CCSER1: variants seen among roughly 807,000 people sequenced by gnomAD.
CCSER1 encodes serine-rich coiled-coil domain-containing protein 1.
A neutral mutation model predicts 82.0 loss-of-function variants in CCSER1; 41 were observed. The observed-to-expected ratio is 0.50, with a 90% CI of 0.39 to 0.65. CCSER1 has a LOEUF of 0.65. CCSER1 is among the 30% of genes least tolerant of loss of function. CCSER1 has a pLI of 0.00. For synonymous variants in CCSER1, 414 were observed against 383.9 expected, an observed-to-expected ratio of 1.08 and a Z score of -0.92; for missense variants, 1,119 against 1,064.2, an observed-to-expected ratio of 1.05 and a Z score of -0.72.
At chr4:90,569,041 C>T (rs35827209) in intron 5 of CCSER1, among the ~76,000 whole-genome samples, 3,032 of 151,762 alleles carry the variant, frequency 0.02, 53 homozygotes, top group South Asian at 0.069. Flanking sequence ...CATGAGCCAC[C>T]ATGCCTGGCC....
At chr4:91,463,544 T>A (rs1756645746) in intron 10 of CCSER1, among the ~76,000 whole-genome samples, 1 of 151,930 alleles carries the variant, frequency 6.6e-6, no homozygotes, top group African/African-American at 2.4e-5. Context: ...CGTCAGACGA[T>A]CAAACTTCTC....
chr4:90,719,601 C>T (rs1742317508), intron 6 of CCSER1, among the ~76,000 whole-genome samples: 1 of 152,070 alleles, frequency 6.6e-6, no homozygotes, highest in African/African-American at 2.4e-5. Context: ...TTGTTAAGCA[C>T]TGATTAGGTT....
intron 1 of CCSER1, among the ~76,000 whole-genome samples, chr4:90,233,887 A>G (rs1303267125): frequency 6.6e-6 from 1 of 152,170 alleles, no homozygotes; most frequent in South Asian, 2.1e-4. Flanking sequence ...AATAAAAATC[A>G]TTTATTGGAC....
At chr4:91,364,259 T>A (rs974674179) in intron 10 of CCSER1, among the ~76,000 whole-genome samples, 2 of 152,076 alleles carry the variant, frequency 1.3e-5, no homozygotes, top group African/African-American at 4.8e-5. Context: ...TACTCTAATT[T>A]TTTTGAGGTA....
chr4:90,877,793 T>C (rs1720573811), intron 8 of CCSER1, among the ~76,000 whole-genome samples: 1 of 152,060 alleles, frequency 6.6e-6, no homozygotes, highest in Non-Finnish European at 1.5e-5. Context: ...ACTACATCAG[T>C]GGCACTAAAC....
intron 10 of CCSER1, among the ~76,000 whole-genome samples, chr4:91,264,108 C>T (rs922714033): frequency 6.6e-6 from 1 of 150,394 alleles, no homozygotes; most frequent in African/African-American, 2.4e-5. Flanking sequence ...CAGGATGAAA[C>T]ATTTATGATG....
At chr4:91,522,079 A>G (rs1354583570) in intron 10 of CCSER1, among the ~76,000 whole-genome samples, 1 of 152,232 alleles carries the variant, frequency 6.6e-6, no homozygotes, top group Non-Finnish European at 1.5e-5. Flanking sequence ...GAAGGGATCC[A>G]GTTTCAGCTT....
intron 10 of CCSER1, among the ~76,000 whole-genome samples, chr4:91,171,707 C>T (rs576206051): frequency 6.6e-6 from 1 of 151,906 alleles, no homozygotes; most frequent in Admixed American, 6.6e-5. Context: ...AATTGTGTAT[C>T]TCATATAAAA....
chr4:91,228,543 A>G (rs1397203890), intron 10 of CCSER1, among the ~76,000 whole-genome samples: 1 of 152,054 alleles, frequency 6.6e-6, no homozygotes, highest in African/African-American at 2.4e-5. Flanking sequence ...TTAGTGTTAT[A>G]TTTCCAGCAT....
chr4:90,886,503 G>A lies in CCSER1; in HGVS notation c.2095-36867G>A, dbSNP rs568981650. On this transcript the variant is annotated intron_variant, in intron 8 of 10. Transcript: ENST00000509176. ...CTTTGGCAGATGTTAAGATATTTCT[G>A]AAATAATACAGTTGTATATGTTAAC... 4.6e-5 allele frequency among the ~76,000 whole-genome samples: 7 copies of A among 152,268 alleles called. No individual in the cohort carries two copies. In the South Asian group the frequency reaches 1.5e-3, roughly 32 times the overall value.
intron 6 of CCSER1, among the ~76,000 whole-genome samples, chr4:90,720,143 A>G (rs1742413705): frequency 6.6e-6 from 1 of 151,896 alleles, no homozygotes; most frequent in Admixed American, 6.6e-5. Flanking sequence ...TCTTTGGCAT[A>G]CCCCTGTTCT....
At chr4:90,843,452 G>A (rs1180446681) in intron 8 of CCSER1, among the ~76,000 whole-genome samples, 1 of 152,166 alleles carries the variant, frequency 6.6e-6, no homozygotes, top group Non-Finnish European at 1.5e-5. Context: ...ATTAATTTAT[G>A]AGTTGGGTAT....
At chr4:91,421,374 C>G (rs2149383355) in intron 10 of CCSER1, among the ~76,000 whole-genome samples, 1 of 152,234 alleles carries the variant, frequency 6.6e-6, no homozygotes, top group South Asian at 2.1e-4. Flanking sequence ...AGGCTGAAGG[C>G]CTGAGAACCT....
chr4:90,860,273 T>A (rs927519893), intron 8 of CCSER1, among the ~76,000 whole-genome samples: 1 of 151,530 alleles, frequency 6.6e-6, no homozygotes, highest in Non-Finnish European at 1.5e-5. Context: ...AATTATTCAT[T>A]AGGAAAATGC....
At chr4:90,459,331 G>A (rs1356744814) in intron 4 of CCSER1, among the ~76,000 whole-genome samples, 1 of 152,202 alleles carries the variant, frequency 6.6e-6, no homozygotes, top group Non-Finnish European at 1.5e-5. Flanking sequence ...CAGCCATTAG[G>A]TGGGAGTTTG....
In CCSER1 at chr4:90,482,312, C is replaced by CA. The variant is rs1334628094; in HGVS notation, c.1724+13964dup. ...GGTCTATCAATTTTGTTGATCTTTTCAAAAAACCAGCTCCTGGATTCATTG... is the reference window on the plus strand; with the variant it reads ...GGTCTATCAATTTTGTTGATCTTTTCAAAAAAACCAGCTCCTGGATTCATTG... On this transcript the variant is annotated intron_variant, in intron 5 of 10. Coordinates refer to ENST00000509176, the MANE Select transcript of CCSER1 (RefSeq NM_001145065.2). 1.4e-4 allele frequency among the ~76,000 whole-genome samples: 21 copies of CA among 152,064 alleles called. No individual in the cohort carries two copies. In the Middle Eastern group the frequency reaches 0.01, roughly 74 times the overall value.
intron 8 of CCSER1, among the ~76,000 whole-genome samples, chr4:90,852,386 G>A (rs6847575): frequency 1.3e-5 from 2 of 152,248 alleles, no homozygotes; most frequent in Non-Finnish European, 2.9e-5. Context: ...TCTTGGAAGG[G>A]ACACTCTTCT....
intron 6 of CCSER1, among the ~76,000 whole-genome samples, chr4:90,696,726 C>T (rs1177843064): frequency 6.6e-6 from 1 of 152,148 alleles, no homozygotes; most frequent in African/African-American, 2.4e-5. Context: ...TCCTAATTTA[C>T]TCCTTCCAAC....
At chr4:90,938,173 TATA>T (rs976202507) in intron 9 of CCSER1, among the ~76,000 whole-genome samples, 42 of 152,222 alleles carry the variant, frequency 2.8e-4, no homozygotes, top group South Asian at 1.4e-3. Flanking sequence ...GAGACTAAAA[TATA>T]ATAATAAGAT....
Sources: allele counts gnomAD v4.1 joint callset (sites outside exome capture counted in the v4.1 genomes callset), GRCh38; gene constraint gnomAD v4.1.1; transcripts MANE v1.5; gene names NCBI Gene and HGNC (gene_info 2026-07-23, HGNC 2026-07-21).